WDR72: variants seen among roughly 807,000 people sequenced by gnomAD.
WDR72 encodes WD repeat domain 72.
In WDR72, 120 loss-of-function variants were observed where a neutral mutation model predicts 124.2. That is an observed-to-expected ratio of 0.97 (90% CI 0.83 to 1.12). The LOEUF is 1.12. WDR72 is among the 50% of genes most tolerant of loss of function. WDR72 has a pLI of 0.00. For missense variants in WDR72, 1,387 were observed against 1,278.8 expected (o/e 1.08, Z -1.29); for synonymous variants, 452 against 441.7 (o/e 1.02, Z -0.29).
intron 14 of WDR72, among the ~76,000 whole-genome samples, chr15:53,621,002 A>G (rs960869937): frequency 2.0e-5 from 3 of 152,082 alleles, no homozygotes; most frequent in Non-Finnish European, 4.4e-5. Context: ...CATGAATAGA[A>G]AATTATCAAA....
chr15:53,594,659 G>T (rs535625632), intron 18 of WDR72, among the ~76,000 whole-genome samples: 1 of 149,226 alleles, frequency 6.7e-6, no homozygotes, highest in Non-Finnish European at 1.5e-5. Flanking sequence ...TATAATGGTG[G>T]TGCTTGCCTA....
intron 13 of WDR72, among the ~76,000 whole-genome samples, chr15:53,688,325 G>GC (rs1179357725): frequency 1.4e-5 from 2 of 148,116 alleles, no homozygotes; most frequent in Non-Finnish European, 3.0e-5. Flanking sequence ...CATTGTCTCA[G>GC]CCCAAAATCT....
At chr15:53,682,310 T>C (rs889112380) in intron 13 of WDR72, among the ~76,000 whole-genome samples, 5 of 151,564 alleles carry the variant, frequency 3.3e-5, no homozygotes. Context: ...GTGGTGGGCC[T>C]GTGGGGTGGG....
chr15:53,528,773 C>T (rs1351563937), intron 18 of WDR72, among the ~76,000 whole-genome samples: 1 of 151,856 alleles, frequency 6.6e-6, no homozygotes, highest in African/African-American at 2.4e-5. Context: ...GACCCCCAGC[C>T]AAGTTTGGGG....
chr15:53,689,213 A>G (rs2016751777), intron 13 of WDR72, among the ~76,000 whole-genome samples: 1 of 151,958 alleles, frequency 6.6e-6, no homozygotes, highest in Non-Finnish European at 1.5e-5. Flanking sequence ...AAATTGACAA[A>G]TGGGATCTAA....
At chr15:53,527,373 G>A (rs546268518) in intron 18 of WDR72, among the ~76,000 whole-genome samples, 4 of 152,062 alleles carry the variant, frequency 2.6e-5, no homozygotes, top group Admixed American at 2.0e-4. Flanking sequence ...CCTAGGCAGC[G>A]AACAACTCCC....
chr15:53,701,065 C>T (rs760961491), intron 12 of WDR72, among the ~76,000 whole-genome samples: 2 of 152,112 alleles, frequency 1.3e-5, no homozygotes, highest in African/African-American at 2.4e-5. Context: ...ACAGAGGAAA[C>T]TCAAAAGTTG....
At chr15:53,721,515 T>C (rs1458056577) in intron 3 of WDR72, among the ~76,000 whole-genome samples, 1 of 152,198 alleles carries the variant, frequency 6.6e-6, no homozygotes, top group Non-Finnish European at 1.5e-5. Flanking sequence ...AAAAAAGGAA[T>C]GTATTAGGAC....
At chr15:53,635,256 A>C (rs1303938719) in intron 14 of WDR72, among the ~76,000 whole-genome samples, 1 of 152,224 alleles carries the variant, frequency 6.6e-6, no homozygotes, top group Non-Finnish European at 1.5e-5. Flanking sequence ...AACTGAAAAA[A>C]GACAAACGTA....
At chr15:53,581,472 G>C (rs1448259337) in intron 18 of WDR72, among the ~76,000 whole-genome samples, 1 of 152,024 alleles carries the variant, frequency 6.6e-6, no homozygotes, top group Non-Finnish European at 1.5e-5. Context: ...AGATGCTTAT[G>C]AAAGTTTTAA....
At chr15:53,728,338 T>C (rs1490469908) in intron 2 of WDR72, among the ~76,000 whole-genome samples, 2 of 152,224 alleles carry the variant, frequency 1.3e-5, no homozygotes, top group Admixed American at 6.5e-5. Flanking sequence ...CCCTGGGTTC[T>C]TCCCACAACA....
At chr15:53,660,941 T>C (rs1189430285) in intron 14 of WDR72, among the ~76,000 whole-genome samples, 1 of 152,184 alleles carries the variant, frequency 6.6e-6, no homozygotes, top group African/African-American at 2.4e-5. Context: ...TGCCAATTTC[T>C]CCTCAGACCT....
Position 53,660,760 on chromosome 15 carries a change from T to A in WDR72, c.1962+4812A>T, listed in dbSNP as rs138547489. On this transcript the variant is annotated intron_variant, in intron 14 of 19. Transcript: ENST00000360509. The stretch of plus-strand genomic sequence containing the variant: ...AAGTTGGGAGCCATTACTTACAAAT[T>A]TGTTTCTCTACAAAGGGTGGTTTTC... Among the ~76,000 whole-genome samples, 5 of 152,306 alleles carry A rather than the reference T, an allele frequency of 3.3e-5. 1 individual carries two copies. The East Asian group carries it at 9.6e-4, about 29-fold the overall frequency.
At chr15:53,738,979 T>A (rs1269700014) in intron 1 of WDR72, among the ~76,000 whole-genome samples, 2 of 152,220 alleles carry the variant, frequency 1.3e-5, no homozygotes, top group African/African-American at 4.8e-5. Flanking sequence ...TAAAATGGAA[T>A]AAAATATGTA....
intron 6 of WDR72, among the ~76,000 whole-genome samples, chr15:53,714,199 G>A (rs1465310959): frequency 6.6e-6 from 1 of 151,850 alleles, no homozygotes; most frequent in Non-Finnish European, 1.5e-5. Flanking sequence ...GTGTGTGTGT[G>A]TGTGTAAATG....
chr15:53,566,886 C>T (rs1178110693), intron 18 of WDR72, among the ~76,000 whole-genome samples: 2 of 151,920 alleles, frequency 1.3e-5, no homozygotes, highest in African/African-American at 4.8e-5. Flanking sequence ...GGAACATACC[C>T]ACCAACACTG....
At chr15:53,749,246 T>C (rs932002547) in intron 1 of WDR72, among the ~76,000 whole-genome samples, 2 of 152,216 alleles carry the variant, frequency 1.3e-5, no homozygotes, top group Non-Finnish European at 2.9e-5. Context: ...TCCAACAGTA[T>C]GTGCTCACTT....
intron 14 of WDR72, among the ~76,000 whole-genome samples, chr15:53,651,642 TTTTGTTTG>T (rs531568254): frequency 2.0e-4 from 30 of 152,064 alleles, no homozygotes; most frequent in East Asian, 1.2e-3. Context: ...AATCTATAGT[TTTTGTTTG>T]TTTGTTTGTT....
intron 9 of WDR72, among the ~76,000 whole-genome samples, chr15:53,708,727 C>T (rs920635920): frequency 6.6e-5 from 10 of 152,154 alleles, no homozygotes; most frequent in African/African-American, 2.4e-4. Context: ...AGTTCATGCA[C>T]ACACATTTTT....
Sources: gnomAD v4.1 joint callset for allele counts (sites outside exome capture counted in the v4.1 genomes callset) on GRCh38, gnomAD v4.1.1 for gene constraint, MANE v1.5 for transcripts, NCBI Gene and HGNC (gene_info 2026-07-23, HGNC 2026-07-21) for gene names.